The following BCAS3 variants were observed in gnomAD, a reference collection of about 807,000 sequenced individuals.
BCAS3 encodes the protein BCAS4/BCAS3 fusion.
A neutral mutation model predicts 116.1 loss-of-function variants in BCAS3; 53 were observed. That is an observed-to-expected ratio of 0.46 (90% CI 0.37 to 0.57). The LOEUF (loss-of-function observed/expected upper bound fraction) is 0.57, where lower values mean the gene tolerates loss of function less well. Among genes scored for constraint, BCAS3 ranks in the 20% least tolerant of loss-of-function variants. BCAS3 has a pLI of 0.00. For synonymous variants in BCAS3, 391 were observed against 408.2 expected, an observed-to-expected ratio of 0.96 and a Z score of 0.51; for missense variants, 917 against 1,165.4, an observed-to-expected ratio of 0.79 and a Z score of 3.10.
intron 22 of BCAS3, among the ~76,000 whole-genome samples, chr17:61,187,189 G>A (rs750841843): frequency 2.6e-5 from 4 of 152,172 alleles, no homozygotes; most frequent in African/African-American, 4.8e-5. Flanking sequence ...GACTGTAAGT[G>A]TTATCAAGGA....
chr17:60,774,966 G>T (rs1293607439), intron 6 of BCAS3, among the ~76,000 whole-genome samples: 2 of 152,160 alleles, frequency 1.3e-5, no homozygotes, highest in East Asian at 3.8e-4. Flanking sequence ...TGCTGCAGAG[G>T]TTCAGCATTT....
intron 5 of BCAS3, among the ~76,000 whole-genome samples, chr17:60,738,905 A>C (rs1371198321): frequency 6.6e-6 from 1 of 151,988 alleles, no homozygotes; most frequent in South Asian, 2.1e-4. Flanking sequence ...CATGACTGGC[A>C]AATTTTATTT....
chr17:61,250,139 AGCTTT>A (rs2048263328), intron 22 of BCAS3, among the ~76,000 whole-genome samples: 1 of 152,142 alleles, frequency 6.6e-6, no homozygotes, highest in African/African-American at 2.4e-5. Flanking sequence ...CCCAGTAGAG[AGCTTT>A]GCCTTCATAA....
chr17:61,060,947 A>G (rs1238319252), intron 19 of BCAS3, among the ~76,000 whole-genome samples: 4 of 152,182 alleles, frequency 2.6e-5, no homozygotes, highest in Admixed American at 2.6e-4. Context: ...GGCAAGGAAG[A>G]TCAAGCCTGG....
At chr17:60,845,580 G>A (rs778683001) in intron 7 of BCAS3, among the ~76,000 whole-genome samples, 5 of 151,852 alleles carry the variant, frequency 3.3e-5, no homozygotes, top group African/African-American at 1.2e-4. Flanking sequence ...ATTTATTGAC[G>A]GTAAACTATG....
At chr17:60,905,718 G>A (rs2058154364) in intron 11 of BCAS3, among the ~76,000 whole-genome samples, 1 of 152,194 alleles carries the variant, frequency 6.6e-6, no homozygotes. Flanking sequence ...AAGAGTGGAA[G>A]TTTCATAGAT....
In BCAS3 at chr17:61,084,658, CCTCT is replaced by C; in HGVS notation, c.2425+97_2425+100del. On this transcript the variant is annotated intron_variant, in intron 22 of 23. Coordinates refer to ENST00000407086, the MANE Select transcript of BCAS3 (RefSeq NM_017679.5). The surrounding 1 kb of genome is among the most constrained non-coding windows in gnomAD (Gnocchi z 5.5). The stretch of plus-strand genomic sequence containing the variant: ...GTAGAGGATGACATTTATTTGCTTT[CCTCT>C]CTGTTTTTTTGTTTTGTGGTGTGTG... 1 of 1,081,702 alleles carries C rather than the reference CCTCT, an allele frequency of 9.2e-7. No individual in the cohort carries two copies. The highest frequency in any genetic ancestry group is 1.3e-5 in the South Asian group (1 of 75,208). 67.0% of individuals were successfully genotyped at this position (1,081,702 alleles called of 1,614,324 possible). A position where few individuals can be genotyped will look rare whatever the true frequency, so the allele number is the denominator to read the frequency against.
intron 22 of BCAS3, among the ~76,000 whole-genome samples, chr17:61,115,933 C>T (rs958741119): frequency 3.3e-5 from 5 of 151,702 alleles, no homozygotes; most frequent in African/African-American, 1.2e-4. Flanking sequence ...GAGTTCATGT[C>T]CTTTGTAGGG....
At chr17:60,966,686 A>G (rs1391691094) in intron 14 of BCAS3, among the ~76,000 whole-genome samples, 2 of 143,068 alleles carry the variant, frequency 1.4e-5, no homozygotes, top group Non-Finnish European at 3.0e-5. Flanking sequence ...TTTTTTTGAG[A>G]CAAAGTCTTA....
chr17:61,252,499 A>G (rs1391801260), intron 22 of BCAS3, among the ~76,000 whole-genome samples: 1 of 151,682 alleles, frequency 6.6e-6, no homozygotes, highest in Non-Finnish European at 1.5e-5. Context: ...CTTTCACATA[A>G]CCCAGGGCTC....
At chr17:60,692,522 G>T (rs2034982551) in intron 4 of BCAS3, among the ~76,000 whole-genome samples, 1 of 152,040 alleles carries the variant, frequency 6.6e-6, no homozygotes, top group Admixed American at 6.6e-5. Context: ...GATTACAGGC[G>T]TGAGCTACCA....
chr17:61,164,909 G>T (rs1047749235), intron 22 of BCAS3, among the ~76,000 whole-genome samples: 1 of 152,166 alleles, frequency 6.6e-6, no homozygotes, highest in Non-Finnish European at 1.5e-5. Context: ...GTGTACTCCA[G>T]CATGGTATTC....
At chr17:61,338,228 G>A (rs947714622) in intron 22 of BCAS3, among the ~76,000 whole-genome samples, 7 of 152,230 alleles carry the variant, frequency 4.6e-5, no homozygotes, top group African/African-American at 1.7e-4. Context: ...TATTTCAGTT[G>A]AAGAAGTTAA....
chr17:61,221,786 T>C (rs1449447177), intron 22 of BCAS3, among the ~76,000 whole-genome samples: 1 of 152,158 alleles, frequency 6.6e-6, no homozygotes, highest in Non-Finnish European at 1.5e-5. Context: ...ACCACAAGAA[T>C]GTGGGCTACA....
chr17:61,077,992 AC>A lies in BCAS3; in HGVS notation c.2131-340del, dbSNP rs2143484718. On this transcript the variant is annotated intron_variant, in intron 20 of 23. Transcript: ENST00000407086. The surrounding 1 kb of genome is among the most constrained non-coding windows in gnomAD (Gnocchi z 4.3). ...TAGAATGAATGAAAAGGTAGACCCT[AC>A]GGAGCTGACACTAGTTATATGAGGC... is the stretch of plus-strand genomic sequence containing the variant. Among the ~76,000 whole-genome samples, 1 of 152,296 alleles carries A rather than the reference AC, an allele frequency of 6.6e-6. No homozygotes were observed. The highest frequency in any genetic ancestry group is 2.1e-4 in the South Asian group (1 of 4,826).
intron 5 of BCAS3, among the ~76,000 whole-genome samples, chr17:60,711,522 GT>G (rs1171701665): frequency 6.6e-6 from 1 of 152,132 alleles, no homozygotes; most frequent in Non-Finnish European, 1.5e-5. Flanking sequence ...GTGATTAGGG[GT>G]GTTGACTGGA....
intron 13 of BCAS3, among the ~76,000 whole-genome samples, chr17:60,945,432 G>A (rs976647225): frequency 2.1e-4 from 32 of 152,302 alleles, no homozygotes; most frequent in South Asian, 8.3e-4. Flanking sequence ...GATTTTCTGT[G>A]AAGTTACAGT....
intron 6 of BCAS3, among the ~76,000 whole-genome samples, chr17:60,757,023 C>T (rs182055738): frequency 8.5e-4 from 129 of 152,082 alleles, no homozygotes; most frequent in African/African-American, 2.9e-3. Flanking sequence ...ATTAGCTGGG[C>T]GTGTTGGCGC....
At chr17:61,206,925 GTT>G (rs537375467) in intron 22 of BCAS3, among the ~76,000 whole-genome samples, 1 of 143,328 alleles carries the variant, frequency 7.0e-6, no homozygotes, top group African/African-American at 2.5e-5. Flanking sequence ...GGTTTTTGGT[GTT>G]TTTTTTTTTA....
Sources: gnomAD v4.1 joint callset for allele counts (sites outside exome capture counted in the v4.1 genomes callset) on GRCh38, gnomAD v4.1.1 for gene constraint, Gnocchi (gnomAD v3.1) non-coding constraint, MANE v1.5 for transcripts, NCBI Gene and HGNC (gene_info 2026-07-23, HGNC 2026-07-21) for gene names.